TMEM259: variants seen among roughly 807,000 people sequenced by gnomAD.
TMEM259 encodes transmembrane protein 259, also known as membralin.
A neutral mutation model predicts 46.7 loss-of-function variants in TMEM259; 26 were observed. The ratio of observed to expected loss-of-function variants is 0.56; its 90% CI spans 0.41 to 0.77. TMEM259 has a LOEUF of 0.77. Among genes scored for constraint, TMEM259 ranks in the 30% least tolerant of loss-of-function variants. The pLI, the probability that TMEM259 is intolerant of heterozygous loss-of-function variation, is 0.00. For missense variants in TMEM259, 930 were observed against 900.5 expected (o/e 1.03, Z -0.42); for synonymous variants, 494 against 395.1 (o/e 1.25, Z -2.97).
rs2038832725 is a variant in TMEM259, at chr19:1,009,742, C to G, written c.*608G>C. The stretch of plus-strand genomic sequence containing the variant: ...GGAATGAGCGCTCCTCCGCATTCCT[C>G]CCCGAGTGACTGGTTTGGCCGCCGG... On this transcript the variant is annotated 3_prime_UTR_variant, in exon 11 of 11. Coordinates refer to ENST00000356663, the MANE Select transcript of TMEM259 (RefSeq NM_001033026.2). The G allele has an allele frequency of 1.3e-6, 1 of 779,044 alleles. No individual in the cohort carries two copies. The highest frequency in any genetic ancestry group is 1.8e-6 in the Non-Finnish European group (1 of 549,402). 48.3% of individuals were successfully genotyped at this position (779,044 alleles called of 1,614,324 possible).
intron 1 of TMEM259, 29 bp from the exon 2 acceptor site, chr19:1,014,502 G>A (rs534319302): frequency 4.7e-5 from 75 of 1,591,350 alleles, no homozygotes; most frequent in Non-Finnish European, 5.7e-5. Context: ...TCAGTGGGGC[G>A]CCCCAGGGCC....
rs2039034190 is a variant in TMEM259 at position 1,014,272 on chromosome 19, C to T, written c.427G>A (p.Glu143Lys). 3.7e-6 allele frequency: 6 copies of T among 1,613,012 alleles called. No individual in the cohort carries two copies. Among genetic ancestry groups the T allele is most frequent in the Non-Finnish European group, 5.1e-6 (6 of 1,179,834 alleles). The stretch of plus-strand genomic sequence containing the variant: ...TCCATGTCCAGGTTGCTGCCTGGTT[C>T]CACGGCCAGGCCCGGGAAGCTCCCG... ...GRGSFPGLAV[E>K]PGSNLDMEDE... Residue 143 changes from glutamate to lysine, a missense_variant, in exon 2 of 11, where the codon GAA becomes AAA. Coordinates refer to ENST00000356663, the MANE Select transcript of TMEM259 (RefSeq NM_001033026.2).
Position 1,020,885 on chromosome 19 carries a change from T to C in TMEM259, c.112A>G (p.Ile38Val). 3.1e-6 allele frequency: 4 copies of C among 1,306,572 alleles called. No homozygotes were observed. The highest frequency in any genetic ancestry group is 3.9e-6 in the Non-Finnish European group (4 of 1,022,996). 80.9% of individuals were successfully genotyped at this position (1,306,572 alleles called of 1,614,324 possible). A position where few individuals can be genotyped will look rare whatever the true frequency, so the allele number is the denominator to read the frequency against. ...RTPNLNPNPL[I>V]NVRDRLFHAL... The stretch of plus-strand genomic sequence containing the variant: ...TGGAAGAGCCGGTCGCGCACGTTGA[T>C]GAGGGGGTTGGGGTTGAGATTGGGG... The change falls in exon 1 of 11, where the codon ATC (isoleucine) becomes GTC (valine). Residue 38 changes from isoleucine (I) to valine (V), a missense_variant. Physicochemically the swap from Ile to Val is conservative, Grantham distance 29. Transcript: ENST00000356663. The surrounding 1 kb of genome is among the most constrained non-coding windows in gnomAD (Gnocchi z 4.0).
rs1450946070 is a variant in TMEM259, at chr19:1,020,731, A to G, written c.225+41T>C. The stretch of plus-strand genomic sequence containing the variant: ...AGGTAGCAGACTTGGGGGTCGGGAC[A>G]GCCGCTGGGGTCAAGGGTCGGGGGT... On this transcript the variant is annotated intron_variant, in intron 1 of 10. Coordinates refer to ENST00000356663, the MANE Select transcript of TMEM259 (RefSeq NM_001033026.2). The surrounding 1 kb of genome is among the most constrained non-coding windows in gnomAD (Gnocchi z 4.0). 2.7e-5 allele frequency: 34 copies of G among 1,268,924 alleles called. No homozygotes were observed. 78.6% of individuals were successfully genotyped at this position (1,268,924 alleles called of 1,614,324 possible). A position where few individuals can be genotyped will look rare whatever the true frequency, so the allele number is the denominator to read the frequency against.
At chr19:1,018,254 C>G (rs1433460534) in intron 1 of TMEM259, among the ~76,000 whole-genome samples, 2 of 152,210 alleles carry the variant, frequency 1.3e-5, no homozygotes, top group Non-Finnish European at 2.9e-5. Flanking sequence ...CCGAGGGCCC[C>G]TGGAACACAG....
chr19:1,010,506 C>A lies in TMEM259; in HGVS notation c.1707G>T (p.Pro569=). ...GGGGGAGGCCCCCAGCAGGGCCCAG[C>A]GGGCTGGCTGGACGCCGCTCCAGGA... is the stretch of plus-strand genomic sequence containing the variant. The part of the protein sequence containing the change: ...ASLLERRPAS[P]LGPAGGLPHA... The change falls in exon 11 of 11, where the codon CCG becomes CCT. Residue 569 remains proline (P), a synonymous_variant. Coordinates refer to ENST00000356663, the MANE Select transcript of TMEM259 (RefSeq NM_001033026.2). 2 of 1,547,156 alleles carry A rather than the reference C, an allele frequency of 1.3e-6. No individual in the cohort carries two copies. The highest frequency in any genetic ancestry group is 1.7e-6 in the Non-Finnish European group (2 of 1,146,226).
Position 1,010,472 on chromosome 19 carries a change from G to A in TMEM259, c.1741C>T (p.Gln581Ter), listed in dbSNP as rs1406480441. 1.3e-6 allele frequency: 2 copies of A among 1,544,952 alleles called. No individual in the cohort carries two copies. The highest frequency in any genetic ancestry group is 2.7e-5 in the African/African-American group (2 of 72,782). The part of the protein sequence containing the change: ...GPAGGLPHAP[Q>*]DSVPPSDSAA... The stretch of plus-strand genomic sequence containing the variant: ...GAGTCACTCGGGGGGACACTGTCCT[G>A]GGGGGCGTGGGGGAGGCCCCCAGCA... The change falls in exon 11 of 11, where the codon CAG (glutamine) becomes TAG (stop). Residue 581 changes from glutamine (Q) to a stop codon, truncating the protein, a stop_gained. Transcript: ENST00000356663. LOFTEE classifies it low-confidence loss of function (END_TRUNC).
rs2038847968 is a variant in TMEM259, at chr19:1,010,055, T to C, written c.*295A>G. ...ACCTGCACCATGGGACCCCACTCCATCCTCAGGACGGTTCACTGCAGACCT... is the reference window on the plus strand; with the variant it reads ...ACCTGCACCATGGGACCCCACTCCACCCTCAGGACGGTTCACTGCAGACCT... On this transcript the variant is annotated 3_prime_UTR_variant, in exon 11 of 11. Transcript: ENST00000356663. 5.0e-6 allele frequency: 2 copies of C among 400,886 alleles called. No homozygotes were observed. The highest frequency in any genetic ancestry group is 5.3e-5 in the South Asian group (1 of 18,766). The allele number at this position is 400,886 out of a possible 1,614,324, so 24.8% of individuals were successfully genotyped here.
rs763859039 is a variant in TMEM259, at chr19:1,010,710, G to A, written c.1503C>T (p.Ala501=). ...TGGCCCCAGGCGAGACGGGGCCCAG[G>A]GCGGGGGGCTGGCCGGCAGAGTCAG... is the stretch of plus-strand genomic sequence containing the variant. ...TAPDSAGQPP[A]LGPVSPGASG... Residue 501 remains alanine (A), a synonymous_variant, in exon 11 of 11, where the codon GCC becomes GCT. Coordinates refer to ENST00000356663, the MANE Select transcript of TMEM259 (RefSeq NM_001033026.2). The A allele has an allele frequency of 3.9e-6, 6 of 1,529,242 alleles. No homozygotes were observed. In the Admixed American group the frequency reaches 6.0e-5, roughly 15 times the overall value. 94.7% of individuals were successfully genotyped at this position (1,529,242 alleles called of 1,614,324 possible).
Position 1,021,103 on chromosome 19 carries a change from G to A in TMEM259, c.-107C>T, listed in dbSNP as rs554189377. 36 of 1,164,196 alleles carry A rather than the reference G, an allele frequency of 3.1e-5. No individual in the cohort carries two copies. The South Asian group carries it at 6.6e-4, about 21-fold the overall frequency. 72.1% of individuals were successfully genotyped at this position (1,164,196 alleles called of 1,614,324 possible). ...CTCTCCTCACGGCCTCCCGGCCGCC[G>A]CCGCCATCTTCCGCTTTCTCGTCCG... On this transcript the variant is annotated 5_prime_UTR_variant, in exon 1 of 11. Transcript: ENST00000356663.
intron 1 of TMEM259, among the ~76,000 whole-genome samples, chr19:1,015,826 C>T (rs1325241378): frequency 6.6e-6 from 1 of 152,226 alleles, no homozygotes; most frequent in Non-Finnish European, 1.5e-5. Context: ...TCAACTCTTC[C>T]ACGCCCACAG....
At chr19:1,010,977 A>T (rs2038893500) in intron 10 of TMEM259, 82 bp from the exon 11 acceptor site, 1 of 1,548,178 alleles carries the variant, frequency 6.5e-7, no homozygotes. Context: ...CCCACCCGGG[A>T]CCATCCACGC....
chr19:1,011,527 G>A, intron 8 of TMEM259, 28 bp from the exon 9 acceptor site: 1 of 1,542,848 alleles, frequency 6.5e-7, no homozygotes, highest in Non-Finnish European at 8.7e-7. Context: ...GCCGGTTGAA[G>A]CGGGCGGGGC....
At chr19:1,013,443 G>C in intron 2 of TMEM259, 103 bp from the exon 3 acceptor site, 3 of 1,211,358 alleles carry the variant, frequency 2.5e-6, no homozygotes, top group Admixed American at 4.0e-5. Flanking sequence ...GGAAGCCTCA[G>C]CCTCTGCCCC....
At chr19:1,014,784 C>T (rs1322792134) in intron 1 of TMEM259, among the ~76,000 whole-genome samples, 2 of 152,200 alleles carry the variant, frequency 1.3e-5, no homozygotes, top group Admixed American at 1.3e-4. Flanking sequence ...GACTGCCCCG[C>T]ACCTCCTCAG....
chr19:1,011,216 G>C, intron 9 of TMEM259, 21 bp from the exon 10 acceptor site: 6 of 1,567,704 alleles, frequency 3.8e-6, no homozygotes, highest in Non-Finnish European at 5.2e-6. Context: ...GGGTGAGGGC[G>C]TCGGGGCTGC....
rs560380531 is a variant in TMEM259 at position 1,009,777 on chromosome 19, T to C, written c.*573A>G. ...CTGGTTTGGCCGCCGGCCCACTCCA[T>C]CCCCGAGTGGGACTGGACCACGGCC... On this transcript the variant is annotated 3_prime_UTR_variant, in exon 11 of 11. Coordinates refer to ENST00000356663, the MANE Select transcript of TMEM259 (RefSeq NM_001033026.2). The C allele has an allele frequency of 1.5e-4, 84 of 569,648 alleles. 1 individual carries two copies. The highest frequency in any genetic ancestry group is 1.0e-3 in the South Asian group (30 of 30,080). The allele number at this position is 569,648 out of a possible 1,614,324, so 35.3% of individuals were successfully genotyped here.
At position 1,021,084 on chromosome 19, in the gene TMEM259, T is replaced by C; in HGVS notation, c.-88A>G. The C allele has an allele frequency of 1.6e-6, 2 of 1,219,430 alleles. No individual in the cohort carries two copies. The highest frequency in any genetic ancestry group is 2.2e-5 in the South Asian group (1 of 44,452). 75.5% of individuals were successfully genotyped at this position (1,219,430 alleles called of 1,614,324 possible). ...GCCGCCCTCGCAGCCGCCGCTCTCC[T>C]CACGGCCTCCCGGCCGCCGCCGCCA... is the stretch of plus-strand genomic sequence containing the variant. On this transcript the variant is annotated 5_prime_UTR_variant, in exon 1 of 11. It removes the in-frame stop codon of an upstream open reading frame in the 5' UTR. Transcript: ENST00000356663.
At position 1,021,048 on chromosome 19, in the gene TMEM259, G is replaced by A. The variant is rs1314773531; in HGVS notation, c.-52C>T. 2 of 1,287,464 alleles carry A rather than the reference G, an allele frequency of 1.6e-6. No homozygotes were observed. Among genetic ancestry groups the A allele is most frequent in the Non-Finnish European group, 2.0e-6 (2 of 1,010,814 alleles). 79.8% of individuals were successfully genotyped at this position (1,287,464 alleles called of 1,614,324 possible). On this transcript the variant is annotated 5_prime_UTR_variant, in exon 1 of 11. Transcript: ENST00000356663. ...CCGCAAGTGTCCGAGGGCGCCTCCC[G>A]GCCGCCATCGGCCGCCCTCGCAGCC... is the stretch of plus-strand genomic sequence containing the variant.
Sources: allele counts gnomAD v4.1 joint callset (sites outside exome capture counted in the v4.1 genomes callset), GRCh38; gene constraint gnomAD v4.1.1; non-coding constraint Gnocchi (gnomAD v3.1); transcripts MANE v1.5; gene names NCBI Gene and HGNC (gene_info 2026-07-23, HGNC 2026-07-21).